Variants in NUP210L observed in about 807,000 individuals in gnomAD.
NUP210L encodes the protein nuclear pore membrane glycoprotein 210-like.
A neutral mutation model predicts 208.5 loss-of-function variants in NUP210L; 74 were observed. The observed-to-expected ratio is 0.35, with a 90% CI of 0.29 to 0.43. The LOEUF is 0.43. Ranked by LOEUF, NUP210L falls within the 20% of genes least tolerant of loss-of-function variation. The pLI is 1.00. For synonymous variants in NUP210L, 780 were observed against 816.9 expected, an observed-to-expected ratio of 0.95 and a Z score of 0.77; for missense variants, 1,843 against 2,289.4, an observed-to-expected ratio of 0.81 and a Z score of 3.98.
chr1:154,023,936 C>A (rs763621044), intron 30 of NUP210L, among the ~76,000 whole-genome samples: 2 of 151,828 alleles, frequency 1.3e-5, no homozygotes, highest in Non-Finnish European at 2.9e-5. Context: ...TACAGGCGCC[C>A]GCCACAATGC....
At chr1:154,105,912 G>A (rs557718751) in intron 12 of NUP210L, among the ~76,000 whole-genome samples, 1 of 152,260 alleles carries the variant, frequency 6.6e-6, no homozygotes, top group Admixed American at 6.5e-5. Flanking sequence ...CCACGGGTCT[G>A]GGGCAGTTGT....
intron 27 of NUP210L, among the ~76,000 whole-genome samples, chr1:154,037,724 A>T (rs375928940): frequency 2.6e-5 from 4 of 151,948 alleles, no homozygotes; most frequent in African/African-American, 9.7e-5. Context: ...GCTGGAGTGC[A>T]GTGGCGTGAT....
intron 27 of NUP210L, among the ~76,000 whole-genome samples, chr1:154,036,363 T>C (rs1652548540): frequency 8.5e-6 from 1 of 117,542 alleles, no homozygotes; most frequent in Non-Finnish European, 1.8e-5. Flanking sequence ...TGTGTGTGTA[T>C]AACTTTTTTT....
At chr1:154,037,934 A>C (rs1361622537) in intron 27 of NUP210L, among the ~76,000 whole-genome samples, 1 of 151,894 alleles carries the variant, frequency 6.6e-6, no homozygotes, top group African/African-American at 2.4e-5. Context: ...ATGTCTTTTA[A>C]ATTGGAGCAT....
At position 154,135,808 on chromosome 1, in the gene NUP210L, G is replaced by A. The variant is rs375072756; in HGVS notation, c.1009+6C>T. 1.2e-6 allele frequency: 2 copies of A among 1,612,858 alleles called. No individual in the cohort carries two copies. The highest frequency in any genetic ancestry group is 1.1e-5 in the South Asian group (1 of 91,054). On this transcript the variant is annotated splice_donor_region_variant and intron_variant, in intron 7 of 39. Transcript: ENST00000368559. Reference sequence around the variant, plus strand: ...ACTGGCAGCTAAAACTTGAACAAAAGGATACTTTTATGGACAAAGACAAGA... The same window carrying A: ...ACTGGCAGCTAAAACTTGAACAAAAAGATACTTTTATGGACAAAGACAAGA...
intron 16 of NUP210L, among the ~76,000 whole-genome samples, chr1:154,081,848 T>C (rs987333213): frequency 1.3e-5 from 2 of 151,896 alleles, no homozygotes; most frequent in Non-Finnish European, 2.9e-5. Context: ...CTGAGTGTAA[T>C]GGCACAGACC....
intron 27 of NUP210L, 74 bp from the exon 28 acceptor site, chr1:154,030,128 T>A: frequency 9.3e-7 from 1 of 1,075,520 alleles, no homozygotes. Context: ...TTCACTTTTT[T>A]AATATTAAAT....
intron 16 of NUP210L, among the ~76,000 whole-genome samples, chr1:154,074,609 C>T (rs1335051414): frequency 1.3e-5 from 2 of 151,728 alleles, no homozygotes; most frequent in African/African-American, 4.8e-5. Flanking sequence ...CTGCCTCAGC[C>T]TCCCTAGTAG....
chr1:153,996,574 A>T (rs1450781387), intron 37 of NUP210L, among the ~76,000 whole-genome samples: 2 of 151,936 alleles, frequency 1.3e-5, no homozygotes, highest in African/African-American at 4.8e-5. Context: ...GGTGCCCACC[A>T]CCATGCCTGG....
At chr1:154,143,458 A>G in exon 3 of NUP210L, 2 of 1,613,426 alleles carry the variant, frequency 1.2e-6, no homozygotes, top group East Asian at 2.2e-5. Flanking sequence ...TCAGCATCCA[A>G]TGCCCTCACC....
exon 29 of NUP210L, chr1:154,027,558 G>A (rs1208485871): frequency 6.2e-7 from 1 of 1,613,584 alleles, no homozygotes; most frequent in African/African-American, 1.3e-5. Context: ...ATCTGCTCTG[G>A]TTGGCACTCT....
intron 25 of NUP210L, among the ~76,000 whole-genome samples, chr1:154,053,302 T>C (rs1423187621): frequency 6.6e-6 from 1 of 152,242 alleles, no homozygotes; most frequent in African/African-American, 2.4e-5. Flanking sequence ...GTGCTTTTAA[T>C]CTGTGTTGTT....
chr1:154,097,460 CA>C (rs1328470291), intron 14 of NUP210L, among the ~76,000 whole-genome samples: 4 of 152,052 alleles, frequency 2.6e-5, no homozygotes, highest in African/African-American at 9.7e-5. Flanking sequence ...AGCCTAAGGA[CA>C]ATGATAAAAG....
intron 16 of NUP210L, among the ~76,000 whole-genome samples, chr1:154,085,148 C>T (rs942452880): frequency 2.0e-5 from 3 of 147,460 alleles, no homozygotes; most frequent in South Asian, 2.2e-4. Flanking sequence ...GAGCTTGAGA[C>T]CATCCTGGCT....
chr1:154,048,633 A>G (rs956681756), intron 25 of NUP210L, among the ~76,000 whole-genome samples: 30 of 152,222 alleles, frequency 2.0e-4, no homozygotes, highest in African/African-American at 5.8e-4. Flanking sequence ...CCCCTGTACA[A>G]TGTCTGTCCC....
intron 25 of NUP210L, among the ~76,000 whole-genome samples, chr1:154,050,083 T>C (rs1653405560): frequency 1.3e-5 from 2 of 152,218 alleles, no homozygotes; most frequent in Non-Finnish European, 1.5e-5. Flanking sequence ...TTTACAAAAT[T>C]CGATTTCTTG....
chr1:154,093,875 G>A (rs1208008093), intron 15 of NUP210L, among the ~76,000 whole-genome samples: 1 of 152,184 alleles, frequency 6.6e-6, no homozygotes, highest in Non-Finnish European at 1.5e-5. Flanking sequence ...ACTCAGCTGG[G>A]TGTAGTGCGT....
chr1:154,062,871 C>T (rs919788218), intron 17 of NUP210L, among the ~76,000 whole-genome samples: 1 of 152,022 alleles, frequency 6.6e-6, no homozygotes, highest in Non-Finnish European at 1.5e-5. Flanking sequence ...TGAGCTACTG[C>T]ACATGGCCTT....
At chr1:154,118,839 T>C in intron 10 of NUP210L, 31 bp from the exon 11 acceptor site, 1 of 1,390,484 alleles carries the variant, frequency 7.2e-7, no homozygotes, top group Non-Finnish European at 1.0e-6. Context: ...GAGCAAAATA[T>C]ATTTATAAGG....
Sources: gnomAD v4.1 joint callset for allele counts (sites outside exome capture counted in the v4.1 genomes callset) on GRCh38, gnomAD v4.1.1 for gene constraint, MANE v1.5 for transcripts, NCBI Gene and HGNC (gene_info 2026-07-23, HGNC 2026-07-21) for gene names.